Variants in ENTREP2 observed in about 807,000 individuals in gnomAD.
ENTREP2 encodes the protein endosomal transmembrane epsin interactor 2.
At chr15:29,487,287 A>G in the ENTREP2 span, among the ~76,000 whole-genome samples, 220 of 152,334 alleles carry the variant, frequency 1.4e-3, 3 homozygotes, top group Non-Finnish European at 3.7e-4. Context: ...AAGAAGCCTG[A>G]GAAGACCCCA....
the ENTREP2 span, among the ~76,000 whole-genome samples, chr15:29,608,746 T>C: frequency 5.3e-5 from 8 of 151,774 alleles, no homozygotes; most frequent in Non-Finnish European, 1.2e-4. Context: ...TTTTTGTATT[T>C]TTAGTAGAGA....
At chr15:29,344,805 C>T in the ENTREP2 span, among the ~76,000 whole-genome samples, 6 of 151,876 alleles carry the variant, frequency 4.0e-5, no homozygotes, top group Non-Finnish European at 7.4e-5. Context: ...CTGACAGAGG[C>T]AGAGGACAGA....
chr15:29,616,972 A>G, the ENTREP2 span, among the ~76,000 whole-genome samples: 1 of 152,226 alleles, frequency 6.6e-6, no homozygotes, highest in Non-Finnish European at 1.5e-5. Context: ...AGGCAAGAGA[A>G]TCACTTGAAC....
the ENTREP2 span, among the ~76,000 whole-genome samples, chr15:29,520,834 AAAAT>A: frequency 1.3e-5 from 2 of 152,234 alleles, no homozygotes; most frequent in Non-Finnish European, 2.9e-5. Context: ...CAAAGTCTGT[AAAAT>A]AAATAGGAAG....
the ENTREP2 span, among the ~76,000 whole-genome samples, chr15:29,227,617 A>G: frequency 5.3e-5 from 8 of 152,244 alleles, no homozygotes; most frequent in East Asian, 1.5e-3. Context: ...TCATGAGGCT[A>G]AATCTGCTTC....
chr15:29,205,668 G>A, the ENTREP2 span, among the ~76,000 whole-genome samples: 1 of 152,160 alleles, frequency 6.6e-6, no homozygotes, highest in Non-Finnish European at 1.5e-5. Context: ...AAATTGGGTT[G>A]TTTGTGTTCT....
the ENTREP2 span, among the ~76,000 whole-genome samples, chr15:29,564,537 A>G: frequency 3.3e-5 from 5 of 152,192 alleles, no homozygotes; most frequent in Non-Finnish European, 7.4e-5. Context: ...CTCTGCCACC[A>G]CATCGACGCT....
the ENTREP2 span, among the ~76,000 whole-genome samples, chr15:29,360,486 T>C: frequency 6.6e-6 from 1 of 152,334 alleles, no homozygotes; most frequent in South Asian, 2.1e-4. Context: ...TCCTGTGAAC[T>C]ATAGATTAAT....
At chr15:29,138,700 TGC>T in the ENTREP2 span, among the ~76,000 whole-genome samples, 1 of 81,922 alleles carries the variant, frequency 1.2e-5, no homozygotes, top group Non-Finnish European at 2.4e-5. Flanking sequence ...TGTGTGTGTA[TGC>T]GTGTGTGTGT....
the ENTREP2 span, among the ~76,000 whole-genome samples, chr15:29,365,027 C>T: frequency 6.6e-6 from 1 of 152,174 alleles, no homozygotes; most frequent in Non-Finnish European, 1.5e-5. Flanking sequence ...TTATATTATA[C>T]AGAATAGTTT....
At chr15:29,635,888 G>T in the ENTREP2 span, among the ~76,000 whole-genome samples, 1 of 152,188 alleles carries the variant, frequency 6.6e-6, no homozygotes, top group Non-Finnish European at 1.5e-5. Context: ...CGTCGATACT[G>T]GGACCTCTTG....
At chr15:29,554,916 A>G in the ENTREP2 span, among the ~76,000 whole-genome samples, 1 of 152,254 alleles carries the variant, frequency 6.6e-6, no homozygotes, top group Non-Finnish European at 1.5e-5. Context: ...ACTTCCAAGT[A>G]TGTTATGACA....
At chr15:29,449,889 C>T in the ENTREP2 span, among the ~76,000 whole-genome samples, 1 of 152,172 alleles carries the variant, frequency 6.6e-6, no homozygotes, top group Non-Finnish European at 1.5e-5. Context: ...CAGTCCCTTT[C>T]CTCTACAAAC....
At chr15:29,508,949 G>A in the ENTREP2 span, among the ~76,000 whole-genome samples, 1 of 152,162 alleles carries the variant, frequency 6.6e-6, no homozygotes, top group Non-Finnish European at 1.5e-5. Context: ...TAGGAAAAGA[G>A]GAAGTCAAAT....
chr15:29,259,228 C>G, the ENTREP2 span, among the ~76,000 whole-genome samples: 1 of 152,194 alleles, frequency 6.6e-6, no homozygotes, highest in Non-Finnish European at 1.5e-5. Flanking sequence ...TGGATGGCTA[C>G]AGCTCTCAAA....
the ENTREP2 span, chr15:29,123,376 T>G: frequency 1.1e-5 from 17 of 1,543,736 alleles, 1 homozygote; most frequent in East Asian, 3.9e-4. Flanking sequence ...GAAGACGGCC[T>G]CCTCCTCGAG....
At chr15:29,652,128 C>A in the ENTREP2 span, among the ~76,000 whole-genome samples, 11 of 152,146 alleles carry the variant, frequency 7.2e-5, no homozygotes, top group Admixed American at 7.2e-4. Flanking sequence ...CAACCAGCTG[C>A]AGAGAGAGCC....
At chr15:29,161,170 C>T in the ENTREP2 span, among the ~76,000 whole-genome samples, 1,395 of 152,276 alleles carry the variant, frequency 9.2e-3, 19 homozygotes, top group African/African-American at 0.031. Flanking sequence ...AATGTAAGGC[C>T]TTGACTGCTC....
the ENTREP2 span, among the ~76,000 whole-genome samples, chr15:29,615,887 G>A: frequency 5.3e-5 from 8 of 152,160 alleles, no homozygotes; most frequent in South Asian, 2.1e-4. Context: ...GGGAAGCAGC[G>A]TCCAATACCA....
Sources: gnomAD v4.1 joint callset for allele counts (sites outside exome capture counted in the v4.1 genomes callset) on GRCh38, gnomAD v4.1.1 for gene constraint, MANE v1.5 for transcripts, NCBI Gene and HGNC (gene_info 2026-07-23, HGNC 2026-07-21) for gene names.